PITPNM2: variants seen among roughly 807,000 people sequenced by gnomAD.
The protein encoded by PITPNM2 is membrane-associated phosphatidylinositol transfer protein 2.
A neutral mutation model predicts 132.2 loss-of-function variants in PITPNM2; 35 were observed. The ratio of observed to expected loss-of-function variants is 0.26; its 90% CI spans 0.20 to 0.35. The LOEUF (loss-of-function observed/expected upper bound fraction) is 0.35. Among genes scored for constraint, PITPNM2 ranks in the 10% least tolerant of loss-of-function variants. The pLI is 1.00. For synonymous variants in PITPNM2, 738 were observed against 799.2 expected (o/e 0.92, Z 1.29); for missense variants, 1,332 against 1,912.0 (o/e 0.70, Z 5.66).
intron 2 of PITPNM2, among the ~76,000 whole-genome samples, chr12:123,039,771 G>A (rs1402727023): frequency 2.0e-5 from 3 of 152,180 alleles, no homozygotes; most frequent in African/African-American, 7.2e-5. Context: ...GTGTGATGCT[G>A]AGAGTGGGGG....
intron 2 of PITPNM2, among the ~76,000 whole-genome samples, chr12:123,093,928 C>T (rs1203927405): frequency 6.6e-6 from 1 of 152,264 alleles, no homozygotes. Context: ...TCCCCACCCA[C>T]ACTCTTAGGA....
chr12:123,034,799 C>T, intron 2 of PITPNM2, 114 bp from the exon 3 acceptor site: 1 of 555,780 alleles, frequency 1.8e-6, no homozygotes, highest in African/African-American at 1.9e-5. Context: ...GGCCTCTGAT[C>T]AGGCATGATC....
rs1477327624 is a variant in PITPNM2 at position 123,009,672 on chromosome 12, C to A, written c.643+178G>T. ...AAGTATTCATGGATGTTCAAGATAA[C>A]CCATGGCTGGCGGGTAGTGGGGAAG... is the stretch of plus-strand genomic sequence containing the variant. On this transcript the variant is annotated intron_variant, in intron 6 of 25. Coordinates refer to ENST00000320201, the MANE Select transcript of PITPNM2 (RefSeq NM_020845.3). The surrounding 1 kb of genome is among the most constrained non-coding windows in gnomAD (Gnocchi z 4.8). Among the ~76,000 whole-genome samples the A allele has an allele frequency of 6.6e-6, 1 of 152,220 alleles. No individual in the cohort carries two copies. The highest frequency in any genetic ancestry group is 1.5e-5 in the Non-Finnish European group (1 of 68,044).
chr12:123,109,352 C>A (rs73230058), intron 2 of PITPNM2, among the ~76,000 whole-genome samples: 1 of 152,230 alleles, frequency 6.6e-6, no homozygotes, highest in East Asian at 1.9e-4. Context: ...CAAAGAAATA[C>A]GAAATGGAAA....
chr12:122,995,583 ACCGCCACCG>A lies in PITPNM2; in HGVS notation c.1851_1859del (p.Gly620_Gly622del), dbSNP rs771483211. 92 of 1,578,680 alleles carry A rather than the reference ACCGCCACCG, an allele frequency of 5.8e-5. No individual in the cohort carries two copies. The highest frequency in any genetic ancestry group is 4.9e-4 in the Admixed American group (29 of 58,750). ...TGCCACCACCACCACTGCTGCCACC[ACCGCCACCG>A]CCGCCACCGCCACCACCGCAGCAGT... is the stretch of plus-strand genomic sequence containing the variant. On this transcript the variant is annotated inframe_deletion, in exon 14 of 26. Transcript: ENST00000320201.
chr12:123,134,220 C>T (rs1298408402), intron 1 of PITPNM2, among the ~76,000 whole-genome samples: 2 of 152,100 alleles, frequency 1.3e-5, no homozygotes, highest in East Asian at 3.9e-4. Flanking sequence ...CGTGCCACCA[C>T]GCCCACCTAA....
chr12:122,990,010 CA>C, intron 17 of PITPNM2, 62 bp from the exon 18 acceptor site: 2 of 1,241,950 alleles, frequency 1.6e-6, no homozygotes, highest in Non-Finnish European at 2.1e-6. Flanking sequence ...CCACGTCTAC[CA>C]GGGGCCAGGC....
chr12:123,055,955 G>A (rs184695095), intron 2 of PITPNM2, among the ~76,000 whole-genome samples: 79 of 152,266 alleles, frequency 5.2e-4, no homozygotes, highest in African/African-American at 1.9e-3. Flanking sequence ...AAGAAATAGA[G>A]TGGCACCTTT....
intron 2 of PITPNM2, among the ~76,000 whole-genome samples, chr12:123,070,980 T>C (rs1344434521): frequency 6.6e-6 from 1 of 151,782 alleles, no homozygotes; most frequent in Admixed American, 6.6e-5. Context: ...AGAGAGGGAG[T>C]TGAACTCCGT....
In PITPNM2 at chr12:123,023,825, T is replaced by A. The variant is rs1592952504; in HGVS notation, c.79-9783A>T. On this transcript the variant is annotated intron_variant, in intron 3 of 25. Transcript: ENST00000320201. This position sits in a 1 kb window ranked among gnomAD's most constrained non-coding sequence, Gnocchi z 4.8. ...ACAACTTTTATGCTTCAAAGGACAC[T>A]AAAAAGAAAGTGAAAAAACAACGTA... is the stretch of plus-strand genomic sequence containing the variant. 6.6e-6 allele frequency among the ~76,000 whole-genome samples: 1 copy of A among 152,164 alleles called. No homozygotes were observed. Among genetic ancestry groups the A allele is most frequent in the Admixed American group, 6.5e-5 (1 of 15,274 alleles).
chr12:123,079,350 CTTTTTTTTTTTT>C (rs139205213), intron 2 of PITPNM2, among the ~76,000 whole-genome samples: 58 of 53,840 alleles, frequency 1.1e-3, no homozygotes, highest in Middle Eastern at 0.015. Flanking sequence ...TTTTTCTTTT[CTTTTTTTTTTTT>C]TTTTTTTTTT....
intron 8 of PITPNM2, among the ~76,000 whole-genome samples, chr12:123,003,900 C>T (rs2038803468): frequency 6.6e-6 from 1 of 152,222 alleles, no homozygotes; most frequent in African/African-American, 2.4e-5. Context: ...GCTGTATGGT[C>T]ATGCGCTTAT....
At chr12:123,011,445 A>T (rs2039200010) in intron 5 of PITPNM2, among the ~76,000 whole-genome samples, 1 of 152,188 alleles carries the variant, frequency 6.6e-6, no homozygotes, top group African/African-American at 2.4e-5. Flanking sequence ...CCTCAGAGGG[A>T]GCCTGCAGAG....
chr12:122,996,704 A>C lies in PITPNM2; in HGVS notation c.1662+17T>G. The C allele has an allele frequency of 6.2e-7, 1 of 1,609,966 alleles. No individual in the cohort carries two copies. Among genetic ancestry groups the C allele is most frequent in the Non-Finnish European group, 8.5e-7 (1 of 1,178,818 alleles). On this transcript the variant is annotated intron_variant, in intron 12 of 25. Transcript: ENST00000320201. The stretch of plus-strand genomic sequence containing the variant: ...GTCTTCCATCCTCCTCCCCTCCCCA[A>C]CTTCCCCGGGACTCACCTGCCCATT...
chr12:123,148,925 G>GA (rs1233252564), intron 1 of PITPNM2, among the ~76,000 whole-genome samples: 2 of 152,166 alleles, frequency 1.3e-5, no homozygotes, highest in East Asian at 3.9e-4. Context: ...GGCACCTGGG[G>GA]AGAGGGAGGG....
At chr12:123,093,531 T>C (rs553332108) in intron 2 of PITPNM2, among the ~76,000 whole-genome samples, 162 of 151,898 alleles carry the variant, frequency 1.1e-3, no homozygotes, top group African/African-American at 3.7e-3. Context: ...ATCAACAGAG[T>C]CTGGCCGCTG....
chr12:122,996,527 C>G lies in PITPNM2; in HGVS notation c.1713G>C (p.Leu571=). 1.2e-6 allele frequency: 2 copies of G among 1,613,098 alleles called. No homozygotes were observed. The highest frequency in any genetic ancestry group is 1.7e-6 in the Non-Finnish European group (2 of 1,180,018). The change falls in exon 13 of 26, where the codon CTG becomes CTC. Residue 571 remains leucine (L), a synonymous_variant. Coordinates refer to ENST00000320201, the MANE Select transcript of PITPNM2 (RefSeq NM_020845.3). The stretch of plus-strand genomic sequence containing the variant: ...CAGACACCGGCTGGTTACTGTAGCA[C>G]AGGGCATCAAATGCCAGGATGCCCC... ...CVGGILAFDA[L]CYSNQPVSES...
At chr12:123,040,187 T>G (rs1476867467) in intron 2 of PITPNM2, among the ~76,000 whole-genome samples, 1 of 152,122 alleles carries the variant, frequency 6.6e-6, no homozygotes, top group Non-Finnish European at 1.5e-5. Context: ...CTTTTAAAAG[T>G]TTTTCTCTCA....
rs143481396 is a variant in PITPNM2, at chr12:123,005,245, C to T, written c.947G>A (p.Arg316Gln). The T allele has an allele frequency of 2.8e-5, 45 of 1,611,196 alleles. No homozygotes were observed. The highest frequency in any genetic ancestry group is 3.6e-5 in the Non-Finnish European group (42 of 1,178,112). The change falls in exon 7 of 26, where the codon CGG becomes CAG. Residue 316 changes from arginine to glutamine, a missense_variant. By Grantham distance (43) the Arg-to-Gln change is conservative. This residue lies in a region of PITPNM2 where 710 missense variants were observed against 911.5 expected (regional missense o/e 0.78). Coordinates refer to ENST00000320201, the MANE Select transcript of PITPNM2 (RefSeq NM_020845.3). This position sits in a 1 kb window ranked among gnomAD's most constrained non-coding sequence, Gnocchi z 6.2. ...TSSKSSRSSK[R>Q]GASPSRHSIS... Reference sequence around the variant, plus strand: ...CAGGTGGCGCAGGGCCTTACCTCCCCGCTTGGACGACCGAGACGACTTGGA... The same window carrying T: ...CAGGTGGCGCAGGGCCTTACCTCCCTGCTTGGACGACCGAGACGACTTGGA...
Sources: gnomAD v4.1 joint callset for allele counts (sites outside exome capture counted in the v4.1 genomes callset) on GRCh38, gnomAD v4.1.1 for gene constraint, gnomAD v4.1.1 regional missense constraint, Gnocchi (gnomAD v3.1) non-coding constraint, MANE v1.5 for transcripts, NCBI Gene and HGNC (gene_info 2026-07-23, HGNC 2026-07-21) for gene names.